The following COL9A2 variants were observed in gnomAD, a reference collection of about 807,000 sequenced individuals.
COL9A2 encodes collagen type IX alpha 2 chain.
COL9A2 carries 66 observed loss-of-function variants against 111.6 expected under a neutral mutation model. That is an observed-to-expected ratio of 0.59 (90% CI 0.48 to 0.73). The LOEUF (loss-of-function observed/expected upper bound fraction) is 0.73. Among genes scored for constraint, COL9A2 ranks in the 30% least tolerant of loss-of-function variants. COL9A2 has a pLI of 0.00. For missense variants in COL9A2, 881 were observed against 954.1 expected, an observed-to-expected ratio of 0.92 and a Z score of 1.01; for synonymous variants, 353 against 364.1, an observed-to-expected ratio of 0.97 and a Z score of 0.35.
At position 40,310,670 on chromosome 1, in the gene COL9A2, T is replaced by C; in HGVS notation, c.684+44A>G. ...GGGGAATGACTCCATGAAGGGCTCC[T>C]GGGGTGAGGGAGAAGAGGGCCACTG... On this transcript the variant is annotated intron_variant, in intron 13 of 31. Transcript: ENST00000372748. The surrounding 1 kb of genome is among the most constrained non-coding windows in gnomAD (Gnocchi z 4.9). The C allele has an allele frequency of 6.5e-7, 1 of 1,529,068 alleles. No individual in the cohort carries two copies. Among genetic ancestry groups the C allele is most frequent in the Non-Finnish European group, 8.9e-7 (1 of 1,122,790 alleles). 94.7% of individuals were successfully genotyped at this position (1,529,068 alleles called of 1,614,324 possible).
At position 40,317,245 on chromosome 1, in the gene COL9A2, C is replaced by G. The variant is rs1057288076; in HGVS notation, c.-48G>C. 2.8e-6 allele frequency: 4 copies of G among 1,434,566 alleles called. No individual in the cohort carries two copies. The highest frequency in any genetic ancestry group is 3.8e-6 in the Non-Finnish European group (4 of 1,052,916). The allele number at this position is 1,434,566 out of a possible 1,614,324, so 88.9% of individuals were successfully genotyped here. A position where few individuals can be genotyped will look rare whatever the true frequency, so the allele number is the denominator to read the frequency against. ...GACGGGTGCGTGTCCGCGCACGCAC[C>G]GACGGCAGAGTCTCCCGGCGCTCCT... On this transcript the variant is annotated 5_prime_UTR_variant, in exon 1 of 32. Transcript: ENST00000372748. The surrounding 1 kb of genome is among the most constrained non-coding windows in gnomAD (Gnocchi z 4.3).
At position 40,311,973 on chromosome 1, in the gene COL9A2, C is replaced by T. The variant is rs969464842; in HGVS notation, c.417+86G>A. On this transcript the variant is annotated intron_variant, in intron 8 of 31. Coordinates refer to ENST00000372748, the MANE Select transcript of COL9A2 (RefSeq NM_001852.4). This position sits in a 1 kb window ranked among gnomAD's most constrained non-coding sequence, Gnocchi z 5.1. ...GAGTTTCCCAGTGGCCAGGAGCAGG[C>T]CCAGGAACTTCCAGAAAGACCACCC... 4 of 1,407,558 alleles carry T rather than the reference C, an allele frequency of 2.8e-6. No homozygotes were observed. In the Admixed American group the frequency reaches 5.9e-5, roughly 21 times the overall value. The allele number at this position is 1,407,558 out of a possible 1,614,324, so 87.2% of individuals were successfully genotyped here.
Position 40,311,860 on chromosome 1 carries a change from T to G in COL9A2, c.418-145A>C, listed in dbSNP as rs1043163203. On this transcript the variant is annotated intron_variant, in intron 8 of 31. Transcript: ENST00000372748. The surrounding 1 kb of genome is among the most constrained non-coding windows in gnomAD (Gnocchi z 5.1). ...TCCACCATCTTGGGAGATGAAGGCC[T>G]GATTGACAGGGGATGGGGCCAGCGG... 2.9e-6 allele frequency: 3 copies of G among 1,048,122 alleles called. No individual in the cohort carries two copies. The highest frequency in any genetic ancestry group is 4.4e-6 in the Non-Finnish European group (3 of 682,612). The allele number at this position is 1,048,122 out of a possible 1,614,324, so 64.9% of individuals were successfully genotyped here.
In COL9A2 at chr1:40,310,664, G is replaced by T; in HGVS notation, c.684+50C>A. The T allele has an allele frequency of 6.8e-7, 1 of 1,477,724 alleles. No homozygotes were observed. Among genetic ancestry groups the T allele is most frequent in the Non-Finnish European group, 9.3e-7 (1 of 1,076,886 alleles). 91.5% of individuals were successfully genotyped at this position (1,477,724 alleles called of 1,614,324 possible). On this transcript the variant is annotated intron_variant, in intron 13 of 31. Transcript: ENST00000372748. This position sits in a 1 kb window ranked among gnomAD's most constrained non-coding sequence, Gnocchi z 4.9. Reference sequence around the variant, plus strand: ...TGAGCAGGGGAATGACTCCATGAAGGGCTCCTGGGGTGAGGGAGAAGAGGG... The same window carrying T: ...TGAGCAGGGGAATGACTCCATGAAGTGCTCCTGGGGTGAGGGAGAAGAGGG...
chr1:40,306,182 C>CA lies in COL9A2; in HGVS notation c.1013dup (p.Pro339AlafsTer15). On this transcript the variant is annotated frameshift_variant, in exon 20 of 32. Coordinates refer to ENST00000372748, the MANE Select transcript of COL9A2 (RefSeq NM_001852.4). LOFTEE classifies it high-confidence loss of function. ...CTCCTTTTGTCCCAGGCTGGCCTGGCACACCCTGCAGAAAGAAGTTGAAGT... is the reference window on the plus strand; with the variant it reads ...CTCCTTTTGTCCCAGGCTGGCCTGGCAACACCCTGCAGAAAGAAGTTGAAGT... 1 of 1,614,226 alleles carries CA rather than the reference C, an allele frequency of 6.2e-7. No individual in the cohort carries two copies. The highest frequency in any genetic ancestry group is 8.5e-7 in the Non-Finnish European group (1 of 1,180,040).
chr1:40,315,927 A>G (rs1392626706), intron 1 of COL9A2: 4 of 404,546 alleles, frequency 9.9e-6, no homozygotes, highest in African/African-American at 4.1e-5. Context: ...TGAAGGGTCC[A>G]TGGTCACTGA....
In COL9A2 at chr1:40,303,956, G is replaced by A. The variant is rs1462203433; in HGVS notation, c.1340C>T (p.Ala447Val). 2.6e-6 allele frequency: 4 copies of A among 1,562,218 alleles called. No homozygotes were observed. The highest frequency in any genetic ancestry group is 3.5e-6 in the Non-Finnish European group (4 of 1,152,822). Residue 447 changes from alanine (A) to valine (V), a missense_variant, in exon 26 of 32, where the codon GCC (alanine) becomes GTC (valine). Physicochemically the swap from Ala to Val is moderately conservative, Grantham distance 64. Coordinates refer to ENST00000372748, the MANE Select transcript of COL9A2 (RefSeq NM_001852.4). This position sits in a 1 kb window ranked among gnomAD's most constrained non-coding sequence, Gnocchi z 4.6. ...PRGKVGDPGV[A>V]GLPGEKGEKG... is the part of the protein sequence containing the mutation. ...CTCGCCTTTCTCTCCGGGGAGGCCG[G>A]CCACCCCTGGGTCACCCTGCAGAGA...
In COL9A2 at chr1:40,302,590, G is replaced by GC; in HGVS notation, c.1792+30dup. The GC allele has an allele frequency of 6.3e-7, 1 of 1,574,898 alleles. No homozygotes were observed. ...GGCCTGGACAAATCCTCACTGCCTG[G>GC]CCCCCATGCCCACCGCAGAGGAGCA... On this transcript the variant is annotated intron_variant, in intron 30 of 31. Coordinates refer to ENST00000372748, the MANE Select transcript of COL9A2 (RefSeq NM_001852.4). The surrounding 1 kb of genome is among the most constrained non-coding windows in gnomAD (Gnocchi z 4.5).
rs1644050893 is a variant in COL9A2 at position 40,307,633 on chromosome 1, T to C, written c.954+70A>G. ...TGTCCATGACCTGAGGACCCCAGGC[T>C]CTTGGTGTCTAGAATCCAGGACTCA... On this transcript the variant is annotated intron_variant, in intron 18 of 31. Transcript: ENST00000372748. The surrounding 1 kb of genome is among the most constrained non-coding windows in gnomAD (Gnocchi z 4.8). The C allele has an allele frequency of 6.3e-7, 1 of 1,596,860 alleles. No individual in the cohort carries two copies. Among genetic ancestry groups the C allele is most frequent in the South Asian group, 1.1e-5 (1 of 89,810 alleles).
In COL9A2 at chr1:40,312,458, G is replaced by T. The variant is rs555035046; in HGVS notation, c.361C>A (p.Pro121Thr). Residue 121 changes from proline (P) to threonine (T), a missense_variant and splice_region_variant, in exon 7 of 32, where the codon CCT becomes ACT. Pro to Thr is a conservative substitution (Grantham distance 38). Coordinates refer to ENST00000372748, the MANE Select transcript of COL9A2 (RefSeq NM_001852.4). This position sits in a 1 kb window ranked among gnomAD's most constrained non-coding sequence, Gnocchi z 6.0. Reference sequence around the variant, plus strand: ...CTGCCCCATCCCTGAGGACTTACAGGAGGTCCAGCAAAACCAGGGCCCTGG... The same window carrying T: ...CTGCCCCATCCCTGAGGACTTACAGTAGGTCCAGCAAAACCAGGGCCCTGG... ...GLPGPGFAGP[P>T]GPPGPVGLPG... The T allele has an allele frequency of 1.3e-5, 21 of 1,613,504 alleles. No homozygotes were observed. The South Asian group carries it at 2.0e-4, about 15-fold the overall frequency.
In COL9A2 at chr1:40,302,488, G is replaced by T; in HGVS notation, c.1792+133C>A. 1 of 946,086 alleles carries T rather than the reference G, an allele frequency of 1.1e-6. No individual in the cohort carries two copies. The highest frequency in any genetic ancestry group is 1.4e-5 in the South Asian group (1 of 69,426). The allele number at this position is 946,086 out of a possible 1,614,324, so 58.6% of individuals were successfully genotyped here. ...TTTGCTACTAGGAAAGAGCCCAGGA[G>T]TGTCTCCTGGACCATGTGGCTGAGG... On this transcript the variant is annotated intron_variant, in intron 30 of 31. Transcript: ENST00000372748. This position sits in a 1 kb window ranked among gnomAD's most constrained non-coding sequence, Gnocchi z 4.5.
rs754942708 is a variant in COL9A2, at chr1:40,311,299, A to G, written c.520-13T>C. ...AGTTGGTTGGACACTGGAAACAGAAAATCCCACAGGGTCCTGTGATCAGCT... is the reference window on the plus strand; with the variant it reads ...AGTTGGTTGGACACTGGAAACAGAAGATCCCACAGGGTCCTGTGATCAGCT... On this transcript the variant is annotated splice_polypyrimidine_tract_variant and intron_variant, in intron 10 of 31. Coordinates refer to ENST00000372748, the MANE Select transcript of COL9A2 (RefSeq NM_001852.4). This position sits in a 1 kb window ranked among gnomAD's most constrained non-coding sequence, Gnocchi z 5.1. The G allele has an allele frequency of 6.2e-7, 1 of 1,613,490 alleles. No individual in the cohort carries two copies. Among genetic ancestry groups the G allele is most frequent in the East Asian group, 2.2e-5 (1 of 44,840 alleles).
rs370409800 is a variant in COL9A2 at position 40,311,781 on chromosome 1, C to T, written c.418-66G>A. Reference sequence around the variant, plus strand: ...CTTACCAGCTTACCCTAGTGCCCTCCTCCAGGTCCTGCCTCTGCCCTCTCC... The same window carrying T: ...CTTACCAGCTTACCCTAGTGCCCTCTTCCAGGTCCTGCCTCTGCCCTCTCC... On this transcript the variant is annotated intron_variant, in intron 8 of 31. Transcript: ENST00000372748. The surrounding 1 kb of genome is among the most constrained non-coding windows in gnomAD (Gnocchi z 5.1). 1 of 1,512,284 alleles carries T rather than the reference C, an allele frequency of 6.6e-7. No individual in the cohort carries two copies. The highest frequency in any genetic ancestry group is 9.2e-7 in the Non-Finnish European group (1 of 1,088,450). 93.7% of individuals were successfully genotyped at this position (1,512,284 alleles called of 1,614,324 possible).
chr1:40,308,363 C>T (rs1304888651), intron 16 of COL9A2, 118 bp from the exon 17 acceptor site: 1 of 1,038,456 alleles, frequency 9.6e-7, no homozygotes, highest in Admixed American at 2.0e-5. Context: ...CTGGCACAGG[C>T]CACACCATGC....
chr1:40,301,813 T>G lies in COL9A2; in HGVS notation c.1869A>C (p.Pro623=). The change falls in exon 31 of 32, where the codon CCA becomes CCC. Residue 623 remains proline (P), a splice_region_variant and synonymous_variant. Transcript: ENST00000372748. ...AGCTGGGCAGGGCCAATGGCTTACC[T>G]GGGATCCCTGGGGGCCCAGGCATCC... ...HPGMPGPPGI[P]GLPGRPGQAI... is the part of the protein sequence containing the mutation. The G allele has an allele frequency of 6.2e-7, 1 of 1,613,976 alleles. No individual in the cohort carries two copies. The highest frequency in any genetic ancestry group is 2.2e-5 in the East Asian group (1 of 44,882).
At chr1:40,313,740 T>C (rs1243648375) in intron 4 of COL9A2, among the ~76,000 whole-genome samples, 5 of 152,114 alleles carry the variant, frequency 3.3e-5, no homozygotes, top group Admixed American at 2.0e-4. Context: ...TGGGGCTGGC[T>C]GTGTTCAAGA....
intron 22 of COL9A2, 51 bp downstream of exon 22, chr1:40,304,743 G>T: frequency 6.6e-7 from 1 of 1,507,152 alleles, no homozygotes; most frequent in Non-Finnish European, 9.0e-7. Context: ...ATCCAGCAGT[G>T]CCAGCTGCCG....
Position 40,310,295 on chromosome 1 carries a change from T to TAGCC in COL9A2, c.703_706dup (p.Tyr236TrpfsTer18), listed in dbSNP as rs1270992774. 6.2e-7 allele frequency: 1 copy of TAGCC among 1,614,028 alleles called. No homozygotes were observed. Among genetic ancestry groups the TAGCC allele is most frequent in the Admixed American group, 1.7e-5 (1 of 60,014 alleles). ...TCCCTTGGGCCCTGCCATGCCTGGGTAGCCCCTGATGCCCTGGGGACCCTG... is the reference window on the plus strand; with the variant it reads ...TCCCTTGGGCCCTGCCATGCCTGGGTAGCCAGCCCCTGATGCCCTGGGGACCCTG... On this transcript the variant is annotated frameshift_variant, in exon 14 of 32. Transcript: ENST00000372748. LOFTEE classifies it high-confidence loss of function. The surrounding 1 kb of genome is among the most constrained non-coding windows in gnomAD (Gnocchi z 4.9).
intron 16 of COL9A2, among the ~76,000 whole-genome samples, chr1:40,309,594 A>ATTGCC (rs1644084449): frequency 8.2e-6 from 1 of 122,382 alleles, no homozygotes; most frequent in African/African-American, 4.4e-5. Flanking sequence ...GGCTCTTGGC[A>ATTGCC]CAGATGGTCC....
Sources: gnomAD v4.1 joint callset for allele counts (sites outside exome capture counted in the v4.1 genomes callset) on GRCh38, gnomAD v4.1.1 for gene constraint, Gnocchi (gnomAD v3.1) non-coding constraint, MANE v1.5 for transcripts, NCBI Gene and HGNC (gene_info 2026-07-23, HGNC 2026-07-21) for gene names.